Variants in DNASE1L1 observed in about 807,000 individuals in gnomAD.
DNASE1L1 encodes the protein deoxyribonuclease 1 like 1.
A neutral mutation model predicts 18.6 loss-of-function variants in DNASE1L1; 8 were observed. The ratio of observed to expected loss-of-function variants is 0.43; its 90% CI spans 0.25 to 0.78. The LOEUF is 0.78. Ranked by LOEUF, DNASE1L1 falls within the 30% of genes least tolerant of loss-of-function variation. DNASE1L1 has a pLI of 0.23. For missense variants in DNASE1L1, 214 were observed against 258.2 expected (o/e 0.83, Z 1.17); for synonymous variants, 114 against 114.2 (o/e 1.00, Z 0.01).
At position 154,404,894 on chromosome X, in the gene DNASE1L1, T is replaced by A; in HGVS notation, c.245A>T (p.Tyr82Phe). The A allele has an allele frequency of 8.3e-7, 1 of 1,211,281 alleles. No homozygotes were observed. The highest frequency in any genetic ancestry group is 2.2e-5 in the Admixed American group (1 of 46,039). Reference protein sequence around the residue: ...ELNRFDGSGPYSTLSSPQLGR... With the variant: ...ELNRFDGSGPFSTLSSPQLGR... ...CAGCTGGGGGCTGCTCAGGGTGCTGTAGGGCCCAGAGCCATCAAATCTGCC... is the reference window on the plus strand; with the variant it reads ...CAGCTGGGGGCTGCTCAGGGTGCTGAAGGGCCCAGAGCCATCAAATCTGCC... Residue 82 changes from tyrosine (Y) to phenylalanine (F), a missense_variant, in exon 4 of 8, where the codon TAC becomes TTC. Physicochemically the swap from Tyr to Phe is conservative, Grantham distance 22. Coordinates refer to ENST00000369807, the MANE Select transcript of DNASE1L1 (RefSeq NM_001303620.2).
chrX:154,404,687 G>T (rs1569552433), intron 4 of DNASE1L1, 141 bp downstream of exon 4: 1 of 538,412 alleles, frequency 1.9e-6, no homozygotes, highest in East Asian at 3.7e-5. Context: ...CAGAATAAAA[G>T]GTGTTGAGAA....
chrX:154,403,979 T>C (rs782124429), intron 4 of DNASE1L1, among the ~76,000 whole-genome samples: 10 of 109,477 alleles, frequency 9.1e-5, no homozygotes, highest in African/African-American at 3.3e-4. Flanking sequence ...CTCTATCTTG[T>C]ACATTTGCCT....
In DNASE1L1 at chrX:154,402,649, G is replaced by A. The variant is rs2068066006; in HGVS notation, c.*58C>T. On this transcript the variant is annotated 3_prime_UTR_variant, in exon 8 of 8. Transcript: ENST00000369807. ...CCCCAGCCCCAGGGCTGGATGGACG[G>A]GGGAGGCTGGGGTTTAAGTCCCAAA... 5 of 1,123,017 alleles carry A rather than the reference G, an allele frequency of 4.5e-6. No homozygotes were observed. The East Asian group carries it at 1.6e-4, about 35-fold the overall frequency. The allele number at this position is 1,123,017 out of a possible 1,213,427, so 92.5% of individuals were successfully genotyped here.
chrX:154,403,086 A>G lies in DNASE1L1; in HGVS notation c.630T>C (p.Ile210=). The change falls in exon 7 of 8, where the codon ATT becomes ATC. Residue 210 remains isoleucine (I), a synonymous_variant. Coordinates refer to ENST00000369807, the MANE Select transcript of DNASE1L1 (RefSeq NM_001303620.2). ...GCACTGTGGTGTCCTCCCCATCGGC[A>G]ATCACCCAGTGGAAGCCTGGCTCAG... ...LRTEPGFHWV[I]ADGEDTTVRA... The G allele has an allele frequency of 3.3e-6, 4 of 1,211,587 alleles. No individual in the cohort carries two copies. Among genetic ancestry groups the G allele is most frequent in the Non-Finnish European group, 4.5e-6 (4 of 895,481 alleles).
rs1557187531 is a variant in DNASE1L1, at chrX:154,403,367, C to G, written c.427G>C (p.Val143Leu). The G allele has an allele frequency of 8.3e-7, 1 of 1,211,369 alleles. No homozygotes were observed. Among genetic ancestry groups the G allele is most frequent in the East Asian group, 3.0e-5 (1 of 33,845 alleles). Residue 143 changes from valine to leucine, a missense_variant, in exon 6 of 8, where the codon GTG becomes CTG. Val to Leu is a conservative substitution (Grantham distance 32). Coordinates refer to ENST00000369807, the MANE Select transcript of DNASE1L1 (RefSeq NM_001303620.2). ...SLPSNVLPSL[V>L]LVPLHTTPKA... ...GGAGTGGTGTGCAGCGGGACCAACA[C>G]CAGGCTGGGAAGGACTGCAAGGCCC...
chrX:154,407,580 A>C (rs1557188795), intron 1 of DNASE1L1, among the ~76,000 whole-genome samples: 1 of 85,715 alleles, frequency 1.2e-5, no homozygotes, highest in African/African-American at 4.3e-5. Context: ...CGCCTGGCCT[A>C]GTCTACCTTT....
At chrX:154,411,790 C>T, upstream of DNASE1L1, 1 of 1,087,114 alleles carries the variant, frequency 9.2e-7, no homozygotes, top group Non-Finnish European at 1.2e-6. Flanking sequence ...GACCTAGAGG[C>T]GCCCCACAGG....
rs1557187606 is a variant in DNASE1L1 at position 154,403,532 on chromosome X, C to T, written c.402G>A (p.Leu134=). The T allele has an allele frequency of 8.3e-7, 1 of 1,211,522 alleles. No homozygotes were observed. Among genetic ancestry groups the T allele is most frequent in the East Asian group, 3.0e-5 (1 of 33,864 alleles). ...AREPFVAQFS[L]PSNVLPSLVL... ...CCCTTCCCTTCCTACCATTGCTGGG[C>T]AAAGAGAACTGGGCCACAAATGGCT... The change falls in exon 5 of 8, where the codon TTG becomes TTA. Residue 134 remains leucine (L), a synonymous_variant. Coordinates refer to ENST00000369807, the MANE Select transcript of DNASE1L1 (RefSeq NM_001303620.2).
rs782276434 is a variant in DNASE1L1, at chrX:154,407,766, C to G, written c.-88+1346G>C. 1.2e-3 allele frequency among the ~76,000 whole-genome samples: 104 copies of G among 84,963 alleles called. 1 individual carries two copies. Among genetic ancestry groups the G allele is most frequent in the African/African-American group, 3.6e-3 (80 of 22,322 alleles). 73.8% of individuals were successfully genotyped at this position (84,963 alleles called of 115,157 possible). ...GTGAGCCACCGCGCCCGGCCCCCCC[C>G]CTTTTTTTTTTTTTTTTTTTTGATA... On this transcript the variant is annotated intron_variant, in intron 1 of 7. Coordinates refer to ENST00000369807, the MANE Select transcript of DNASE1L1 (RefSeq NM_001303620.2).
chrX:154,403,680 G>A, intron 4 of DNASE1L1, 58 bp from the exon 5 acceptor site: 3 of 1,031,894 alleles, frequency 2.9e-6, no homozygotes, highest in Non-Finnish European at 4.1e-6. Flanking sequence ...TGGCTTGCAA[G>A]TGCCAAACGG....
chrX:154,402,631 C>A lies in DNASE1L1; in HGVS notation c.*76G>T. 1.0e-6 allele frequency: 1 copy of A among 1,001,148 alleles called. No homozygotes were observed. The highest frequency in any genetic ancestry group is 1.3e-6 in the Non-Finnish European group (1 of 742,231). The allele number at this position is 1,001,148 out of a possible 1,213,427, so 82.5% of individuals were successfully genotyped here. A position where few individuals can be genotyped will look rare whatever the true frequency, so the allele number is the denominator to read the frequency against. On this transcript the variant is annotated 3_prime_UTR_variant, in exon 8 of 8. Coordinates refer to ENST00000369807, the MANE Select transcript of DNASE1L1 (RefSeq NM_001303620.2). ...GCAACTATAGTTGAAGCCCCCCAGC[C>A]CCAGGGCTGGATGGACGGGGGAGGC...
At chrX:154,411,831 G>A (rs781865190), upstream of DNASE1L1, 15 of 1,173,127 alleles carry the variant, frequency 1.3e-5, no homozygotes, top group Admixed American at 2.4e-5. Flanking sequence ...CGCCGGCCGC[G>A]GGCCGGGTGG....
At chrX:154,404,147 C>CTTTTTTTTTTTTTT in intron 4 of DNASE1L1, among the ~76,000 whole-genome samples, 1 of 65,286 alleles carries the variant, frequency 1.5e-5, no homozygotes, top group Non-Finnish European at 2.8e-5. Flanking sequence ...TGATGTCATT[C>CTTTTTTTTTTTTTT]TTTTTTTTTT....
chrX:154,403,019 C>T lies in DNASE1L1; in HGVS notation c.697G>A (p.Gly233Arg), dbSNP rs2068074954. The change falls in exon 7 of 8, where the codon GGG becomes AGG. Residue 233 changes from glycine to arginine, a missense_variant. Physicochemically the swap from Gly to Arg is moderately radical, Grantham distance 125. Transcript: ENST00000369807. Reference protein sequence around the residue: ...HCTYDRVVLHGERCRSLLHTA... With the variant: ...HCTYDRVVLHRERCRSLLHTA... ...TGCAGCAGACTCCGGCAGCGCTCCC[C>T]GTGCAGCACGACGCGGTCATAGGTG... 8.3e-7 allele frequency: 1 copy of T among 1,211,746 alleles called. No individual in the cohort carries two copies. The highest frequency in any genetic ancestry group is 2.2e-5 in the Admixed American group (1 of 46,103).
At chrX:154,404,100 C>T (rs923548506) in intron 4 of DNASE1L1, among the ~76,000 whole-genome samples, 1 of 108,902 alleles carries the variant, frequency 9.2e-6, no homozygotes, top group Admixed American at 9.9e-5. Flanking sequence ...TAATATTCCA[C>T]GGACTGGGTA....
upstream of DNASE1L1, chrX:154,411,780 G>A: frequency 1.9e-6 from 2 of 1,054,875 alleles, no homozygotes; most frequent in East Asian, 3.3e-5. Flanking sequence ...CGAGGTCGCA[G>A]ACCTAGAGGC....
chrX:154,405,045 C>T lies in DNASE1L1; in HGVS notation c.174G>A (p.Val58=), dbSNP rs782311503. The change falls in exon 3 of 8, where the codon GTG becomes GTA. Residue 58 remains valine, a synonymous_variant. Coordinates refer to ENST00000369807, the MANE Select transcript of DNASE1L1 (RefSeq NM_001303620.2). ...ARCDIMVLQE[V]VDSSGSAIPL... Reference sequence around the variant, plus strand: ...GGATGGCGCTGCCGGAAGAGTCCACCACCTCCTGCAGCACCATGATGTCAC... The same window carrying T: ...GGATGGCGCTGCCGGAAGAGTCCACTACCTCCTGCAGCACCATGATGTCAC... 8.3e-7 allele frequency: 1 copy of T among 1,211,317 alleles called. No homozygotes were observed. The highest frequency in any genetic ancestry group is 1.1e-6 in the Non-Finnish European group (1 of 895,261).
rs2068074366 is a variant in DNASE1L1 at position 154,402,994 on chromosome X, T to C, written c.722A>G (p.His241Arg). 1.7e-6 allele frequency: 2 copies of C among 1,211,323 alleles called. No homozygotes were observed. The highest frequency in any genetic ancestry group is 3.0e-5 in the East Asian group (1 of 33,838). ...LHGERCRSLLHTAAAFDFPTS... is the reference protein window; with the variant it reads ...LHGERCRSLLRTAAAFDFPTS... ...GGGGAAGTCAAAGGCAGCCGCAGTG[T>C]GCAGCAGACTCCGGCAGCGCTCCCC... is the stretch of plus-strand genomic sequence containing the variant. Residue 241 changes from histidine (H) to arginine (R), a missense_variant, in exon 7 of 8, where the codon CAC becomes CGC. By Grantham distance (29) the His-to-Arg change is conservative (BLOSUM62 0). Transcript: ENST00000369807.
At chrX:154,405,262 T>A (rs1385645186) in intron 2 of DNASE1L1, among the ~76,000 whole-genome samples, 172 bp downstream of exon 2, 1 of 113,024 alleles carries the variant, frequency 8.8e-6, no homozygotes, top group Admixed American at 9.2e-5. Flanking sequence ...ACATGTCACC[T>A]GTTTCACAGA....
Sources: allele counts gnomAD v4.1 joint callset (sites outside exome capture counted in the v4.1 genomes callset), GRCh38; gene constraint gnomAD v4.1.1; transcripts MANE v1.5; gene names NCBI Gene and HGNC (gene_info 2026-07-23, HGNC 2026-07-21).